GLE1: variants seen among roughly 807,000 people sequenced by gnomAD.
GLE1 encodes GLE1 RNA export mediator, also known as mRNA export factor GLE1.
Under a neutral mutation model 97.3 loss-of-function variants are expected in GLE1, and 78 were observed. That is an observed-to-expected ratio of 0.80 (90% CI 0.67 to 0.97). The LOEUF (loss-of-function observed/expected upper bound fraction) is 0.97, where lower values mean the gene tolerates loss of function less well. Ranked by LOEUF, GLE1 falls within the 50% of genes least tolerant of loss-of-function variation. GLE1 has a pLI of 0.00. For missense variants in GLE1, 753 were observed against 857.5 expected (o/e 0.88, Z 1.52); for synonymous variants, 302 against 313.4 (o/e 0.96, Z 0.39).
intron 3 of GLE1, among the ~76,000 whole-genome samples, chr9:128,516,123 C>T (rs1031070122): frequency 6.6e-6 from 1 of 151,464 alleles, no homozygotes; most frequent in South Asian, 2.1e-4. Flanking sequence ...CACCCAGCTA[C>T]TTTATTTTCT....
intron 3 of GLE1, among the ~76,000 whole-genome samples, chr9:128,518,854 C>G (rs984750949): frequency 7.1e-6 from 1 of 140,910 alleles, no homozygotes; most frequent in African/African-American, 2.7e-5. Context: ...GGCGACAGAG[C>G]GAGACTCCAA....
chr9:128,506,530 G>T (rs1398787828), intron 1 of GLE1, among the ~76,000 whole-genome samples: 1 of 152,158 alleles, frequency 6.6e-6, no homozygotes, highest in East Asian at 1.9e-4. Flanking sequence ...CCAGGTGCAA[G>T]TTTCCCTGTC....
chr9:128,514,338 CAAAAAAAA>C (rs1174493216), intron 2 of GLE1, among the ~76,000 whole-genome samples: 3 of 91,548 alleles, frequency 3.3e-5, no homozygotes, highest in East Asian at 5.9e-4. Flanking sequence ...GATCTTGTTT[CAAAAAAAA>C]AAAAAAAAAA....
chr9:128,540,150 A>C, intron 14 of GLE1, 125 bp from the exon 15 acceptor site: 1 of 744,690 alleles, frequency 1.3e-6, no homozygotes, highest in South Asian at 1.4e-5. Flanking sequence ...CAAGAGTTCA[A>C]GGCCTCGGTG....
intron 15 of GLE1, 140 bp from the exon 16 acceptor site, chr9:128,540,962 A>C (rs1277598356): frequency 2.9e-6 from 2 of 695,808 alleles, no homozygotes; most frequent in Non-Finnish European, 5.2e-6. Flanking sequence ...CAGAACCATC[A>C]GTCTTACTGG....
rs780857965 is a variant in GLE1 at position 128,523,287 on chromosome 9, G to A, written c.589G>A (p.Glu197Lys). Reference protein sequence around the residue: ...LREVMEKSSREALGHQEKLKA... With the variant: ...LREVMEKSSRKALGHQEKLKA... ...CTGCCATTTTTCATGCAGCTCCAGA[G>A]AAGCCTTGGGACACCAAGAGAAGCT... The change falls in exon 5 of 16, where the codon GAA (glutamate) becomes AAA (lysine). Residue 197 changes from glutamate to lysine, a missense_variant. Transcript: ENST00000309971. 3 of 1,611,286 alleles carry A rather than the reference G, an allele frequency of 1.9e-6. No homozygotes were observed. Among genetic ancestry groups the A allele is most frequent in the South Asian group, 1.1e-5 (1 of 91,054 alleles).
chr9:128,521,954 C>A (rs575377866), intron 3 of GLE1, among the ~76,000 whole-genome samples: 146 of 152,242 alleles, frequency 9.6e-4, no homozygotes, highest in African/African-American at 3.4e-3. Context: ...AAAGGACTTT[C>A]CTTAGTGGAG....
intron 1 of GLE1, among the ~76,000 whole-genome samples, chr9:128,506,352 A>T (rs1300064657): frequency 1.3e-5 from 2 of 152,170 alleles, no homozygotes; most frequent in East Asian, 3.8e-4. Context: ...CTCAAAAAAA[A>T]AAATGTAGCC....
At chr9:128,515,858 T>G (rs919805718) in intron 3 of GLE1, among the ~76,000 whole-genome samples, 2 of 152,234 alleles carry the variant, frequency 1.3e-5, no homozygotes, top group African/African-American at 4.8e-5. Context: ...GGAAAATTAC[T>G]TAGCCTTTTC....
intron 14 of GLE1, 73 bp from the exon 15 acceptor site, chr9:128,540,200 GAC>G (rs1293231216): frequency 9.9e-7 from 1 of 1,011,960 alleles, no homozygotes; most frequent in Non-Finnish European, 1.6e-6. Flanking sequence ...CAGCCTAGGT[GAC>G]AGAGTGAGAC....
At chr9:128,540,241 T>A (rs1343808724) in intron 14 of GLE1, 34 bp from the exon 15 acceptor site, 1 of 1,400,918 alleles carries the variant, frequency 7.1e-7, no homozygotes. Flanking sequence ...GTGTATATCA[T>A]AGGTGTGATT....
intron 9 of GLE1, among the ~76,000 whole-genome samples, chr9:128,533,173 C>T (rs1444354068): frequency 1.3e-5 from 2 of 151,710 alleles, no homozygotes; most frequent in Non-Finnish European, 1.5e-5. Flanking sequence ...CCTGTAATCC[C>T]AGCACTTTGG....
At chr9:128,525,567 TAG>T in intron 7 of GLE1, 144 bp downstream of exon 7, 1 of 690,192 alleles carries the variant, frequency 1.4e-6, no homozygotes, top group Non-Finnish European at 2.6e-6. Context: ...TTGGTTGATG[TAG>T]AGTCTGATTT....
rs186877018 is a variant in GLE1, at chr9:128,504,795, C to T, written c.-11C>T. ...AAGGGGGGCGTCAGAGAAGCTGCCCCTTAGCCAACCATGCCGTCTGAGGGT... is the reference window on the plus strand; with the variant it reads ...AAGGGGGGCGTCAGAGAAGCTGCCCTTTAGCCAACCATGCCGTCTGAGGGT... On this transcript the variant is annotated 5_prime_UTR_variant, in exon 1 of 16. Transcript: ENST00000309971. 9 of 1,586,572 alleles carry T rather than the reference C, an allele frequency of 5.7e-6. No individual in the cohort carries two copies. Among genetic ancestry groups the T allele is most frequent in the Non-Finnish European group, 7.8e-6 (9 of 1,155,128 alleles).
intron 1 of GLE1, among the ~76,000 whole-genome samples, chr9:128,506,394 A>G (rs1448630733): frequency 1.3e-5 from 2 of 152,206 alleles, no homozygotes; most frequent in African/African-American, 4.8e-5. Flanking sequence ...ATGTATTCAT[A>G]AGAATTAAAA....
intron 3 of GLE1, among the ~76,000 whole-genome samples, chr9:128,519,375 T>C (rs1039788597): frequency 5.3e-5 from 8 of 152,194 alleles, no homozygotes; most frequent in Admixed American, 1.3e-4. Context: ...GAATTCTTTT[T>C]CTCAGCAAGG....
chr9:128,520,838 T>C (rs911249473), intron 3 of GLE1, among the ~76,000 whole-genome samples: 3 of 152,074 alleles, frequency 2.0e-5, no homozygotes, highest in Admixed American at 6.6e-5. Context: ...CTTGCAGCCT[T>C]GACCTCCTGG....
chr9:128,508,921 T>G lies in GLE1; in HGVS notation c.145T>G (p.Ser49Ala), dbSNP rs1245264989. 9.3e-6 allele frequency: 15 copies of G among 1,611,772 alleles called. No individual in the cohort carries two copies. Among genetic ancestry groups the G allele is most frequent in the African/African-American group, 1.3e-5 (1 of 74,978 alleles). ...CMSLPKLSSY[S>A]GWVVEHVLPH... Reference sequence around the variant, plus strand: ...GTCTCTTCCCAAGCTATCTTCTTATTCTGGATGGGTGGTAGAGCACGTCCT... The same window carrying G: ...GTCTCTTCCCAAGCTATCTTCTTATGCTGGATGGGTGGTAGAGCACGTCCT... Residue 49 changes from serine (S) to alanine (A), a missense_variant, in exon 2 of 16, where the codon TCT (serine) becomes GCT (alanine). Transcript: ENST00000309971.
chr9:128,523,658 CGGAA>C lies in GLE1; in HGVS notation c.715_718del (p.Glu239LysfsTer83). 1 of 1,614,084 alleles carries C rather than the reference CGGAA, an allele frequency of 6.2e-7. No homozygotes were observed. Among genetic ancestry groups the C allele is most frequent in the Non-Finnish European group, 8.5e-7 (1 of 1,180,016 alleles). On this transcript the variant is annotated frameshift_variant, in exon 6 of 16. Coordinates refer to ENST00000309971, the MANE Select transcript of GLE1 (RefSeq NM_001003722.2). LOFTEE classifies it high-confidence loss of function. ...GAAGCAAGCAGAACAGGAGCGGCTTCGGAAGGAAGAAGGCCAGATCCGCCTGCGG... is the reference window on the plus strand; with the variant it reads ...GAAGCAAGCAGAACAGGAGCGGCTTCGGAAGAAGGCCAGATCCGCCTGCGG...
Sources: allele counts gnomAD v4.1 joint callset (sites outside exome capture counted in the v4.1 genomes callset), GRCh38; gene constraint gnomAD v4.1.1; transcripts MANE v1.5; gene names NCBI Gene and HGNC (gene_info 2026-07-23, HGNC 2026-07-21).